The following SERPINB6 variants were observed in gnomAD, a reference collection of about 807,000 sequenced individuals.
The protein encoded by SERPINB6 is serpin family B member 6.
Under a neutral mutation model 26.1 loss-of-function variants are expected in SERPINB6, and 16 were observed. The observed-to-expected ratio is 0.61, with a 90% CI of 0.42 to 0.93. The LOEUF (loss-of-function observed/expected upper bound fraction) is 0.93, where lower values mean the gene tolerates loss of function less well. Ranked by LOEUF, SERPINB6 falls within the 40% of genes least tolerant of loss-of-function variation. The probability of loss-of-function intolerance (pLI) is 0.00; values close to 1 mark genes in which losing one functional copy is unlikely to be tolerated. For synonymous variants in SERPINB6, 174 were observed against 176.6 expected (o/e 0.99, Z 0.11); for missense variants, 420 against 478.0 (o/e 0.88, Z 1.13).
Position 2,967,174 on chromosome 6 carries a change from G to A in SERPINB6, c.-11+4359C>T. 3 of 985,424 alleles carry A rather than the reference G, an allele frequency of 3.0e-6. No individual in the cohort carries two copies. The highest frequency in any genetic ancestry group is 2.4e-6 in the Non-Finnish European group (2 of 829,946). The allele number at this position is 985,424 out of a possible 1,614,324, so 61.0% of individuals were successfully genotyped here. A position where few individuals can be genotyped will look rare whatever the true frequency, so the allele number is the denominator to read the frequency against. ...AGCTCCAGCCACCCAGACTCCTCGA[G>A]TTGGAGGGATCTGTTAACCTGCCCA... On this transcript the variant is annotated intron_variant, in intron 1 of 6. Coordinates refer to ENST00000380539, the MANE Select transcript of SERPINB6 (RefSeq NM_004568.6). The surrounding 1 kb of genome is among the most constrained non-coding windows in gnomAD (Gnocchi z 4.3).
chr6:2,956,008 G>A (rs544945591), intron 2 of SERPINB6: 73 of 286,412 alleles, frequency 2.5e-4, no homozygotes, highest in Non-Finnish European at 2.5e-4. Flanking sequence ...CCCGGGAGGC[G>A]GAGGTTGCAG....
intron 1 of SERPINB6, chr6:2,960,745 TC>T (rs1411499356): frequency 1.3e-5 from 2 of 152,360 alleles, no homozygotes; most frequent in African/African-American, 2.4e-5. Context: ...GAGCAAGTGC[TC>T]CAAAGATACC....
chr6:2,955,440 G>C (rs891779743), intron 3 of SERPINB6, 84 bp downstream of exon 3: 3 of 1,518,186 alleles, frequency 2.0e-6, no homozygotes, highest in South Asian at 1.1e-5. Flanking sequence ...ATGGCATTTA[G>C]AGCCACACGC....
intron 1 of SERPINB6, chr6:2,962,291 A>G: frequency 5.8e-6 from 5 of 854,866 alleles, no homozygotes; most frequent in Non-Finnish European, 7.0e-6. Context: ...ACTGAACTGG[A>G]GAAACCAAAG....
chr6:2,970,005 G>A (rs902466883), intron 1 of SERPINB6: 20 of 898,350 alleles, frequency 2.2e-5, no homozygotes, highest in South Asian at 1.0e-4. Flanking sequence ...TATGGAGCCC[G>A]GGAGGTGGAG....
chr6:2,955,897 C>G, intron 2 of SERPINB6: 1 of 488,738 alleles, frequency 2.0e-6, no homozygotes, highest in Non-Finnish European at 3.7e-6. Context: ...GCCAACATGG[C>G]AAAACCCCAT....
At chr6:2,970,048 C>T in intron 1 of SERPINB6, 1 of 973,942 alleles carries the variant, frequency 1.0e-6, no homozygotes, top group Non-Finnish European at 1.2e-6. Context: ...CCACTGCACT[C>T]CAGCCTGGCA....
At position 2,948,467 on chromosome 6, in the gene SERPINB6, A is replaced by T; in HGVS notation, c.962T>A (p.Val321Glu). 6.2e-7 allele frequency: 1 copy of T among 1,614,174 alleles called. No individual in the cohort carries two copies. Among genetic ancestry groups the T allele is most frequent in the Non-Finnish European group, 8.5e-7 (1 of 1,180,004 alleles). The change falls in exon 7 of 7, where the codon GTG becomes GAG. Residue 321 changes from valine to glutamate, a missense_variant. By Grantham distance (121) the Val-to-Glu change is moderately radical. Transcript: ENST00000380539. This position sits in a 1 kb window ranked among gnomAD's most constrained non-coding sequence, Gnocchi z 5.0. Reference protein sequence around the residue: ...SLSKVVHKSFVEVNEEGTEAA... With the variant: ...SLSKVVHKSFEEVNEEGTEAA... ...CTCCGTGCCTTCCTCATTGACCTCC[A>T]CAAAAGACTTGTGCACGACCTTGGA...
At chr6:2,959,070 GCA>G in intron 2 of SERPINB6, 96 bp downstream of exon 2, 6 of 1,499,742 alleles carry the variant, frequency 4.0e-6, no homozygotes, top group Non-Finnish European at 5.5e-6. Context: ...CTGCAATACT[GCA>G]CAGTCATCCG....
In SERPINB6 at chr6:2,959,133, C is replaced by T. The variant is rs776701996; in HGVS notation, c.165+35G>A. 6.8e-6 allele frequency: 11 copies of T among 1,611,262 alleles called. 1 individual carries two copies. The South Asian group carries it at 1.2e-4, about 18-fold the overall frequency. On this transcript the variant is annotated intron_variant, in intron 2 of 6. Transcript: ENST00000380539. Reference sequence around the variant, plus strand: ...GAATAAGGAGGACCAGCTAACTTGACAGTTAATAGCACCATGGCTGCCCTG... The same window carrying T: ...GAATAAGGAGGACCAGCTAACTTGATAGTTAATAGCACCATGGCTGCCCTG...
chr6:2,948,682 A>G lies in SERPINB6; in HGVS notation c.747T>C (p.Thr249=), dbSNP rs1280519548. 2 of 1,613,996 alleles carry G rather than the reference A, an allele frequency of 1.2e-6. No individual in the cohort carries two copies. Among genetic ancestry groups the G allele is most frequent in the Admixed American group, 3.3e-5 (2 of 60,000 alleles). Residue 249 remains threonine (T), a synonymous_variant, in exon 7 of 7, where the codon ACT becomes ACC. Transcript: ENST00000380539. This position sits in a 1 kb window ranked among gnomAD's most constrained non-coding sequence, Gnocchi z 5.0. ...TDLRTVEKEL[T]YEKFVEWTRL... ...TCGTCCATTCTACGAACTTCTCGTAAGTGAGTTCTTTCTCCACCTAGAGGG... is the reference window on the plus strand; with the variant it reads ...TCGTCCATTCTACGAACTTCTCGTAGGTGAGTTCTTTCTCCACCTAGAGGG...
chr6:2,952,810 C>T (rs1355097036), intron 5 of SERPINB6, among the ~76,000 whole-genome samples: 1 of 152,232 alleles, frequency 6.6e-6, no homozygotes, highest in Non-Finnish European at 1.5e-5. Context: ...AGATGGCACG[C>T]CATATCTGGA....
chr6:2,965,012 C>T (rs973833284), intron 1 of SERPINB6, among the ~76,000 whole-genome samples: 6 of 152,174 alleles, frequency 3.9e-5, no homozygotes, highest in African/African-American at 1.2e-4. Context: ...TTATCTATTG[C>T]CTTCCTAATC....
At chr6:2,971,066 G>T in intron 1 of SERPINB6, 1 of 1,160,026 alleles carries the variant, frequency 8.6e-7, no homozygotes. Flanking sequence ...CGTCCTCCGG[G>T]TCGCGGAGCG....
At chr6:2,968,135 T>A (rs900935772) in intron 1 of SERPINB6, 1 of 152,166 alleles carries the variant, frequency 6.6e-6, no homozygotes, top group African/African-American at 2.4e-5. Context: ...AAGAATGAGA[T>A]CATGTGTTTT....
Position 2,948,177 on chromosome 6 carries a change from A to C in SERPINB6, c.*121T>G. On this transcript the variant is annotated 3_prime_UTR_variant, in exon 7 of 7. Transcript: ENST00000380539. The surrounding 1 kb of genome is among the most constrained non-coding windows in gnomAD (Gnocchi z 5.0). ...CACGGAGTGAATGCGGCATCCCACA[A>C]ATGGGCCCTTTATTTCTGAACTGCC... The C allele has an allele frequency of 1.8e-6, 2 of 1,101,780 alleles. No homozygotes were observed. Among genetic ancestry groups the C allele is most frequent in the Non-Finnish European group, 2.8e-6 (2 of 722,706 alleles). The allele number at this position is 1,101,780 out of a possible 1,614,324, so 68.3% of individuals were successfully genotyped here. A position where few individuals can be genotyped will look rare whatever the true frequency, so the allele number is the denominator to read the frequency against.
At chr6:2,964,534 G>A (rs1287545961) in intron 1 of SERPINB6, among the ~76,000 whole-genome samples, 4 of 152,146 alleles carry the variant, frequency 2.6e-5, no homozygotes, top group Middle Eastern at 3.4e-3. Context: ...TGTTTCTAAC[G>A]GTAATTTTTA....
At chr6:2,969,793 G>A in intron 1 of SERPINB6, 1 of 981,302 alleles carries the variant, frequency 1.0e-6, no homozygotes, top group East Asian at 1.1e-4. Flanking sequence ...TGTGTTGTGT[G>A]TGTATGTGTT....
intron 1 of SERPINB6, chr6:2,966,490 A>G: frequency 1.2e-6 from 1 of 819,854 alleles, no homozygotes; most frequent in Non-Finnish European, 1.5e-6. Context: ...AGCGAACATC[A>G]CCGCCTGAGC....
Sources: allele counts gnomAD v4.1 joint callset (sites outside exome capture counted in the v4.1 genomes callset), GRCh38; gene constraint gnomAD v4.1.1; non-coding constraint Gnocchi (gnomAD v3.1); transcripts MANE v1.5; gene names NCBI Gene and HGNC (gene_info 2026-07-23, HGNC 2026-07-21).